CS: variants seen among roughly 807,000 people sequenced by gnomAD.
CS encodes citrate synthase, also known as citrate synthase, mitochondrial.
A neutral mutation model predicts 61.4 loss-of-function variants in CS; 13 were observed. The observed-to-expected ratio is 0.21, with a 90% CI of 0.14 to 0.34. The LOEUF (loss-of-function observed/expected upper bound fraction) is 0.34, where lower values mean the gene tolerates loss of function less well. Among genes scored for constraint, CS ranks in the 10% least tolerant of loss-of-function variants. The pLI, the probability that CS is intolerant of heterozygous loss-of-function variation, is 1.00. For missense variants in CS, 278 were observed against 573.4 expected (o/e 0.48, Z 5.26); for synonymous variants, 159 against 215.2 (o/e 0.74, Z 2.29).
intron 1 of CS, among the ~76,000 whole-genome samples, chr12:56,296,878 G>A (rs77447765): frequency 0.046 from 6,999 of 152,192 alleles, 227 homozygotes; most frequent in Non-Finnish European, 0.069. Context: ...GTCAAAGTGA[G>A]GGCACAGAGA....
At chr12:56,284,369 C>T (rs113123195) in intron 3 of CS, among the ~76,000 whole-genome samples, 15 of 147,576 alleles carry the variant, frequency 1.0e-4, no homozygotes, top group African/African-American at 1.5e-4. Flanking sequence ...TGGCCAGGTA[C>T]GGTGGGGCTC....
chr12:56,296,764 G>C (rs1023542830), intron 1 of CS, among the ~76,000 whole-genome samples: 2 of 151,980 alleles, frequency 1.3e-5, no homozygotes, highest in African/African-American at 4.8e-5. Context: ...CAACCTAAAG[G>C]CCACTGGGAA....
intron 1 of CS, among the ~76,000 whole-genome samples, chr12:56,293,017 G>A (rs1382126354): frequency 6.6e-6 from 1 of 152,102 alleles, no homozygotes; most frequent in East Asian, 1.9e-4. Flanking sequence ...TGAGGCAGAA[G>A]AATCGCTTGA....
intron 1 of CS, among the ~76,000 whole-genome samples, chr12:56,298,963 G>A (rs1176298372): frequency 1.3e-5 from 2 of 151,852 alleles, no homozygotes; most frequent in Admixed American, 6.6e-5. Flanking sequence ...GATTGCTTGA[G>A]CCCAGGAGGT....
intron 1 of CS, among the ~76,000 whole-genome samples, chr12:56,288,981 G>T (rs1195046141): frequency 1.3e-5 from 2 of 151,998 alleles, no homozygotes; most frequent in Non-Finnish European, 2.9e-5. Context: ...ACTTTTAAAA[G>T]AATCAATCCA....
At chr12:56,289,386 G>A (rs1423505468) in intron 1 of CS, among the ~76,000 whole-genome samples, 1 of 152,092 alleles carries the variant, frequency 6.6e-6, no homozygotes, top group Non-Finnish European at 1.5e-5. Context: ...AGCCCAGCAG[G>A]AGACCTTTTA....
chr12:56,294,280 T>C (rs190303103), intron 1 of CS, among the ~76,000 whole-genome samples: 235 of 151,770 alleles, frequency 1.5e-3, no homozygotes, highest in Non-Finnish European at 2.9e-3. Context: ...TCAAGACCAG[T>C]CTGGCCAAGA....
chr12:56,282,722 T>TTA (rs1872811043), intron 5 of CS, 114 bp from the exon 6 acceptor site: 1 of 1,526,180 alleles, frequency 6.6e-7, no homozygotes, highest in Non-Finnish European at 8.9e-7. Context: ...CCCAATCCAT[T>TTA]TATACAGCAG....
chr12:56,283,956 G>C (rs868351447), intron 3 of CS, 99 bp from the exon 4 acceptor site: 4 of 841,476 alleles, frequency 4.8e-6, no homozygotes, highest in Middle Eastern at 2.3e-4. Flanking sequence ...GGATCTGGGA[G>C]AGAAAATTTA....
At chr12:56,286,355 C>A (rs1388873236) in intron 2 of CS, 2 of 541,136 alleles carry the variant, frequency 3.7e-6, no homozygotes, top group Non-Finnish European at 6.5e-6. Flanking sequence ...TTTTACACTA[C>A]TTAAAACATT....
chr12:56,285,861 T>G, intron 3 of CS, 55 bp downstream of exon 3: 1 of 1,374,658 alleles, frequency 7.3e-7, no homozygotes, highest in Admixed American at 1.7e-5. Flanking sequence ...AATGTTACTT[T>G]TGTTGAAGCA....
chr12:56,289,942 T>C (rs1290066757), intron 1 of CS, among the ~76,000 whole-genome samples: 1 of 151,888 alleles, frequency 6.6e-6, no homozygotes. Context: ...TTGCCCAGGC[T>C]GAGTGCAGTG....
At chr12:56,295,659 C>T (rs1463689600) in intron 1 of CS, among the ~76,000 whole-genome samples, 1 of 151,506 alleles carries the variant, frequency 6.6e-6, no homozygotes, top group Non-Finnish European at 1.5e-5. Context: ...GCTAGAAGTT[C>T]GTAGAAGTTT....
At chr12:56,288,845 G>A (rs965932292) in intron 1 of CS, among the ~76,000 whole-genome samples, 1 of 151,474 alleles carries the variant, frequency 6.6e-6, no homozygotes, top group African/African-American at 2.4e-5. Flanking sequence ...TTTTTGTAGA[G>A]ATGGGGTCTT....
chr12:56,298,894 T>C (rs1223934834), intron 1 of CS, among the ~76,000 whole-genome samples: 1 of 151,792 alleles, frequency 6.6e-6, no homozygotes, highest in Non-Finnish European at 1.5e-5. Flanking sequence ...CAAAAAAGAT[T>C]AGCCAGGCGT....
rs563786800 is a variant in CS at position 56,272,400 on chromosome 12, G to A, written c.*684C>T. 1 of 153,562 alleles carries A rather than the reference G, an allele frequency of 6.5e-6. No homozygotes were observed. Among genetic ancestry groups the A allele is most frequent in the Non-Finnish European group, 1.4e-5 (1 of 69,122 alleles). The allele number at this position is 153,562 out of a possible 1,614,324, so 9.5% of individuals were successfully genotyped here. ...CTCTGCCTGAGGTGCAACAGGTGTA[G>A]AAAGTCTGGGAGGAGGTGAGTATTA... On this transcript the variant is annotated 3_prime_UTR_variant, in exon 11 of 11. Transcript: ENST00000351328.
chr12:56,285,315 C>T (rs149178016), intron 3 of CS: 1 of 416,288 alleles, frequency 2.4e-6, no homozygotes, highest in African/African-American at 2.0e-5. Flanking sequence ...TAGGGTCTCC[C>T]TCTGTTGCCC....
chr12:56,290,705 T>G (rs1873094742), intron 1 of CS, among the ~76,000 whole-genome samples: 1 of 47,486 alleles, frequency 2.1e-5, no homozygotes, highest in Admixed American at 3.0e-4. Flanking sequence ...AGCACTTAAT[T>G]TGGAGTTAGG....
rs1345918807 is a variant in CS, at chr12:56,273,042, C to T, written c.*42G>A. ...AACAAAAGTATACTTTTTATTTAGG[C>T]TTCCTCACTTTCTGGTAGTCACTTT... On this transcript the variant is annotated 3_prime_UTR_variant, in exon 11 of 11. Coordinates refer to ENST00000351328, the MANE Select transcript of CS (RefSeq NM_004077.3). 3.3e-6 allele frequency: 5 copies of T among 1,526,416 alleles called. No homozygotes were observed. Among genetic ancestry groups the T allele is most frequent in the South Asian group, 1.2e-5 (1 of 82,142 alleles). 94.6% of individuals were successfully genotyped at this position (1,526,416 alleles called of 1,614,324 possible).
Sources: gnomAD v4.1 joint callset for allele counts (sites outside exome capture counted in the v4.1 genomes callset) on GRCh38, gnomAD v4.1.1 for gene constraint, MANE v1.5 for transcripts, NCBI Gene and HGNC (gene_info 2026-07-23, HGNC 2026-07-21) for gene names.